The following ACSM5 variants were observed in gnomAD, a reference collection of about 807,000 sequenced individuals.
ACSM5 encodes the protein acyl-coenzyme A synthetase ACSM5, mitochondrial.
A neutral mutation model predicts 71.6 loss-of-function variants in ACSM5; 56 were observed. The ratio of observed to expected loss-of-function variants is 0.78; its 90% CI spans 0.63 to 0.98. The LOEUF is 0.98. Among genes scored for constraint, ACSM5 ranks in the 50% least tolerant of loss-of-function variants. The probability of loss-of-function intolerance (pLI) is 0.00; values close to 1 mark genes in which losing one functional copy is unlikely to be tolerated. For missense variants in ACSM5, 723 were observed against 726.0 expected (o/e 1.00, Z 0.05); for synonymous variants, 285 against 281.5 (o/e 1.01, Z -0.12).
At position 20,411,589 on chromosome 16, in the gene ACSM5, C is replaced by A. The variant is rs761085728; in HGVS notation, c.105C>A (p.Ile35=). ...CACCTCTACCTGTTCCTCAGAAGAT[C>A]GTGGCCACCTGGGAAGCCATCAGCC... ...KPAPLPVPQK[I]VATWEAISLG... The change falls in exon 2 of 14, where the codon ATC becomes ATA. Residue 35 remains isoleucine (I), a synonymous_variant. Coordinates refer to ENST00000331849, the MANE Select transcript of ACSM5 (RefSeq NM_017888.3). The A allele has an allele frequency of 6.2e-7, 1 of 1,614,110 alleles. No individual in the cohort carries two copies. The highest frequency in any genetic ancestry group is 2.2e-5 in the East Asian group (1 of 44,862).
At chr16:20,430,805 A>C (rs1967080137) in intron 8 of ACSM5, among the ~76,000 whole-genome samples, 188 bp from the exon 9 acceptor site, 1 of 151,666 alleles carries the variant, frequency 6.6e-6, no homozygotes, top group Non-Finnish European at 1.5e-5. Flanking sequence ...AAGGAAGAAA[A>C]AAGAAAAGAA....
At chr16:20,419,593 C>T (rs1966869450) in intron 4 of ACSM5, 158 bp downstream of exon 4, 1 of 683,700 alleles carries the variant, frequency 1.5e-6, no homozygotes, top group East Asian at 2.7e-5. Context: ...CTGGTCCCTA[C>T]CTTAATGTTC....
Position 20,418,287 on chromosome 16 carries a change from G to C in ACSM5, c.415+18G>C. 1 of 1,596,342 alleles carries C rather than the reference G, an allele frequency of 6.3e-7. No individual in the cohort carries two copies. The highest frequency in any genetic ancestry group is 8.5e-7 in the Non-Finnish European group (1 of 1,170,028). ...GCGGACAGGTCAGTAAGCAGGGCTG[G>C]GAATTTTAGTTGGGGGCAGACACAA... On this transcript the variant is annotated intron_variant, in intron 3 of 13. Coordinates refer to ENST00000331849, the MANE Select transcript of ACSM5 (RefSeq NM_017888.3).
intron 10 of ACSM5, among the ~76,000 whole-genome samples, chr16:20,435,218 AG>A (rs1967168248): frequency 6.6e-6 from 1 of 152,072 alleles, no homozygotes; most frequent in African/African-American, 2.4e-5. Context: ...TTTTTAGTAG[AG>A]ATGGGGTTTC....
chr16:20,430,239 C>T (rs1967068207), intron 8 of ACSM5, among the ~76,000 whole-genome samples: 2 of 136,036 alleles, frequency 1.5e-5, no homozygotes, highest in African/African-American at 5.4e-5. Flanking sequence ...ACACACACTA[C>T]TTATAAATTA....
At chr16:20,426,560 A>G (rs558864429) in intron 6 of ACSM5, among the ~76,000 whole-genome samples, 137 of 152,354 alleles carry the variant, frequency 9.0e-4, no homozygotes, top group African/African-American at 3.2e-3. Flanking sequence ...TGTACAATGG[A>G]ATATTACCCA....
At chr16:20,416,039 GT>G (rs1198423850) in intron 2 of ACSM5, among the ~76,000 whole-genome samples, 3 of 152,028 alleles carry the variant, frequency 2.0e-5, no homozygotes, top group African/African-American at 7.2e-5. Flanking sequence ...AAGTATAAGG[GT>G]TGTACATGGA....
At chr16:20,428,458 A>G (rs1372110042) in intron 7 of ACSM5, among the ~76,000 whole-genome samples, 1 of 152,214 alleles carries the variant, frequency 6.6e-6, no homozygotes, top group Admixed American at 6.5e-5. Flanking sequence ...AGCCAAAGCA[A>G]CATCTTCTAG....
At chr16:20,422,369 C>T (rs1966896779) in intron 5 of ACSM5, among the ~76,000 whole-genome samples, 1 of 152,178 alleles carries the variant, frequency 6.6e-6, no homozygotes, top group Non-Finnish European at 1.5e-5. Context: ...CTTGGCCTCT[C>T]AAAGTGCTGG....
At position 20,437,230 on chromosome 16, in the gene ACSM5, G is replaced by C. The variant is rs202023043; in HGVS notation, c.1437-38G>C. The stretch of plus-strand genomic sequence containing the variant: ...TCCTTTGAAATTTCATGGGGGTTGA[G>C]GGAAGCCCACTTGGAAGAGTTTGTT... On this transcript the variant is annotated intron_variant, in intron 11 of 13. Coordinates refer to ENST00000331849, the MANE Select transcript of ACSM5 (RefSeq NM_017888.3). The C allele has an allele frequency of 1.8e-3, 2,834 of 1,609,192 alleles. 10 individuals carry two copies. Among genetic ancestry groups the C allele is most frequent in the Non-Finnish European group, 2.1e-3 (2,458 of 1,175,296 alleles).
intron 8 of ACSM5, 119 bp from the exon 9 acceptor site, chr16:20,430,874 G>A: frequency 1.5e-6 from 1 of 675,736 alleles, no homozygotes; most frequent in Non-Finnish European, 2.6e-6. Context: ...AGAAGAAAGT[G>A]AGGGAGGAGA....
intron 1 of ACSM5, among the ~76,000 whole-genome samples, chr16:20,410,045 T>G (rs1966844720): frequency 6.6e-6 from 1 of 152,234 alleles, no homozygotes; most frequent in Admixed American, 6.5e-5. Context: ...ACTTTTCCCC[T>G]TTAAGCCTCA....
chr16:20,417,959 T>G, intron 2 of ACSM5, 100 bp from the exon 3 acceptor site: 1 of 1,200,014 alleles, frequency 8.3e-7, no homozygotes, highest in Non-Finnish European at 1.2e-6. Context: ...TTGAACCCTG[T>G]GAATTTTATA....
At position 20,431,323 on chromosome 16, in the gene ACSM5, T is replaced by A. The variant is rs752352364; in HGVS notation, c.1308+2T>A. 3.1e-6 allele frequency: 5 copies of A among 1,612,524 alleles called. No individual in the cohort carries two copies. The South Asian group carries it at 5.5e-5, about 18-fold the overall frequency. ...TTCTGTTTCTTCAATTGCTATTTGG[T>A]AAGAGACGGGGAACAGCCGTTCTCA... On this transcript the variant is annotated splice_donor_variant, in intron 10 of 13. Coordinates refer to ENST00000331849, the MANE Select transcript of ACSM5 (RefSeq NM_017888.3). LOFTEE classifies it high-confidence loss of function.
At chr16:20,438,699 TA>T (rs1372346109) in intron 12 of ACSM5, among the ~76,000 whole-genome samples, 2 of 151,556 alleles carry the variant, frequency 1.3e-5, no homozygotes, top group Non-Finnish European at 2.9e-5. Context: ...CTCATGTCTG[TA>T]ATCCCAGCAC....
chr16:20,429,833 C>A, intron 8 of ACSM5, 32 bp downstream of exon 8: 1 of 1,607,400 alleles, frequency 6.2e-7, no homozygotes, highest in Non-Finnish European at 8.5e-7. Context: ...TCCCTACCCC[C>A]CAGGTCCCCT....
chr16:20,439,518 G>A (rs147988292), intron 12 of ACSM5, among the ~76,000 whole-genome samples: 2,093 of 151,336 alleles, frequency 0.014, 20 homozygotes, highest in African/African-American at 0.047. Context: ...TAAGAGAAGC[G>A]ATGTTGGCTT....
At position 20,421,265 on chromosome 16, in the gene ACSM5, T is replaced by G. The variant is rs535549513; in HGVS notation, c.631T>G (p.Ser211Ala). The G allele has an allele frequency of 1.9e-6, 3 of 1,586,998 alleles. No homozygotes were observed. In the East Asian group the frequency reaches 6.9e-5, roughly 37 times the overall value. The stretch of plus-strand genomic sequence containing the variant: ...TGTATTTACGTTTTACAGGGAGGCT[T>G]CTACAGAGCACAACTGCATGAGGAC... ...LNFRELLREASTEHNCMRTKS... is the reference protein window; with the variant it reads ...LNFRELLREAATEHNCMRTKS... Residue 211 changes from serine to alanine, a missense_variant, in exon 5 of 14, where the codon TCT (serine) becomes GCT (alanine). Transcript: ENST00000331849.
At chr16:20,435,569 G>C (rs1486712928) in intron 10 of ACSM5, among the ~76,000 whole-genome samples, 1 of 152,144 alleles carries the variant, frequency 6.6e-6, no homozygotes, top group African/African-American at 2.4e-5. Flanking sequence ...CTGTGTAACT[G>C]CCACCACAGT....
Sources: gnomAD v4.1 joint callset for allele counts (sites outside exome capture counted in the v4.1 genomes callset) on GRCh38, gnomAD v4.1.1 for gene constraint, MANE v1.5 for transcripts, NCBI Gene and HGNC (gene_info 2026-07-23, HGNC 2026-07-21) for gene names.